Variants in RUNX2 observed in about 807,000 individuals in gnomAD.
RUNX2 encodes the protein runt-related transcription factor 2.
RUNX2 carries 10 observed loss-of-function variants against 51.7 expected under a neutral mutation model. The observed-to-expected ratio is 0.19, with a 90% CI of 0.12 to 0.33. The LOEUF is 0.33. RUNX2 is among the 10% of genes least tolerant of loss of function. The pLI is 1.00. For missense variants in RUNX2, 562 were observed against 691.3 expected (o/e 0.81, Z 2.10); for synonymous variants, 276 against 273.6 (o/e 1.01, Z -0.09).
At chr6:45,450,259 C>T (rs1799124135) in intron 5 of RUNX2, among the ~76,000 whole-genome samples, 1 of 152,178 alleles carries the variant, frequency 6.6e-6, no homozygotes, top group South Asian at 2.1e-4. Flanking sequence ...CTAGATGGAT[C>T]TGAGAAAGAT....
chr6:45,517,637 A>T lies in RUNX2; in HGVS notation c.1021+5230A>T, dbSNP rs569008154. On this transcript the variant is annotated intron_variant, in intron 7 of 8. Coordinates refer to ENST00000647337, the MANE Select transcript of RUNX2 (RefSeq NM_001024630.4). ...CTTATTTCAAAATATGTAAATATTA[A>T]CACTTTTCACTTACTCAACTGCACA... 7.2e-5 allele frequency among the ~76,000 whole-genome samples: 11 copies of T among 152,276 alleles called. No individual in the cohort carries two copies. In the South Asian group the frequency reaches 2.3e-3, roughly 32 times the overall value.
intron 2 of RUNX2, chr6:45,365,415 G>A: frequency 1.5e-6 from 1 of 685,820 alleles, no homozygotes; most frequent in Admixed American, 2.9e-5. Flanking sequence ...TTAAATTTCT[G>A]ATTTGTTTTG....
chr6:45,391,685 G>T (rs563149873), intron 2 of RUNX2, among the ~76,000 whole-genome samples: 4 of 152,122 alleles, frequency 2.6e-5, no homozygotes, highest in Admixed American at 6.5e-5. Context: ...GTGAAGCAAG[G>T]CGCCTTCTTC....
intron 2 of RUNX2, among the ~76,000 whole-genome samples, chr6:45,334,852 T>C (rs1439390565): frequency 2.0e-5 from 3 of 151,226 alleles, no homozygotes; most frequent in Non-Finnish European, 4.5e-5. Context: ...CAAATGTCAA[T>C]CTATAAAACC....
intron 2 of RUNX2, among the ~76,000 whole-genome samples, chr6:45,388,462 A>G (rs1235324845): frequency 6.6e-6 from 1 of 152,154 alleles, no homozygotes; most frequent in Non-Finnish European, 1.5e-5. Flanking sequence ...AGAAATGAAT[A>G]TTTGGGCCCC....
chr6:45,471,651 A>G (rs1054555535), intron 5 of RUNX2, among the ~76,000 whole-genome samples: 2 of 152,000 alleles, frequency 1.3e-5, no homozygotes, highest in Non-Finnish European at 2.9e-5. Context: ...TCACCTTGTT[A>G]GCCAGGATGG....
chr6:45,437,820 G>C (rs951605234), intron 4 of RUNX2, 127 bp from the exon 5 acceptor site: 11 of 754,606 alleles, frequency 1.5e-5, no homozygotes, highest in Non-Finnish European at 2.6e-5. Context: ...AAGGAGTCCT[G>C]CCTCTTGTCT....
intron 2 of RUNX2, among the ~76,000 whole-genome samples, chr6:45,391,864 G>A (rs1797478560): frequency 6.6e-6 from 1 of 152,184 alleles, no homozygotes; most frequent in Non-Finnish European, 1.5e-5. Context: ...AGATTTGGGT[G>A]GGGACACAAA....
chr6:45,457,245 A>G (rs533408435), intron 5 of RUNX2, among the ~76,000 whole-genome samples: 3 of 152,294 alleles, frequency 2.0e-5, no homozygotes, highest in African/African-American at 7.2e-5. Flanking sequence ...AAAAGAAAAC[A>G]TTGCCTTTTT....
At chr6:45,409,816 T>C (rs1439372911) in intron 2 of RUNX2, among the ~76,000 whole-genome samples, 2 of 152,250 alleles carry the variant, frequency 1.3e-5, no homozygotes, top group Non-Finnish European at 2.9e-5. Flanking sequence ...CTTGGCATTA[T>C]GCTAAATGCT....
At chr6:45,505,307 T>A (rs986155897) in intron 6 of RUNX2, among the ~76,000 whole-genome samples, 4 of 151,932 alleles carry the variant, frequency 2.6e-5, no homozygotes, top group African/African-American at 9.7e-5. Flanking sequence ...ACTTACTCAT[T>A]CAGAAGAGAA....
At chr6:45,431,772 G>A (rs2150368109) in intron 3 of RUNX2, 91 bp from the exon 4 acceptor site, 1 of 1,444,380 alleles carries the variant, frequency 6.9e-7, no homozygotes, top group African/African-American at 1.4e-5. Context: ...ACTAAGTCCT[G>A]ATAAGACACA....
intron 3 of RUNX2, 129 bp downstream of exon 3, chr6:45,423,086 A>G: frequency 8.2e-7 from 1 of 1,220,780 alleles, no homozygotes; most frequent in Non-Finnish European, 1.1e-6. Context: ...CTAACCCCAG[A>G]AACCCCCGGC....
intron 5 of RUNX2, among the ~76,000 whole-genome samples, chr6:45,458,761 A>AG (rs1353667546): frequency 6.6e-6 from 1 of 152,178 alleles, no homozygotes; most frequent in East Asian, 1.9e-4. Flanking sequence ...CTGTGGCAGG[A>AG]GGGAAAAAGT....
intron 5 of RUNX2, among the ~76,000 whole-genome samples, chr6:45,483,122 G>A (rs1011737420): frequency 6.6e-6 from 1 of 152,118 alleles, no homozygotes; most frequent in African/African-American, 2.4e-5. Context: ...CTCTACTCAC[G>A]AGCTATCCTG....
At chr6:45,423,478 G>C (rs1011323241) in intron 3 of RUNX2, among the ~76,000 whole-genome samples, 2 of 152,086 alleles carry the variant, frequency 1.3e-5, no homozygotes, top group African/African-American at 4.8e-5. Context: ...TTCCCTCACA[G>C]CCAAACGCCT....
intron 4 of RUNX2, among the ~76,000 whole-genome samples, chr6:45,432,755 C>G (rs571522893): frequency 6.6e-6 from 1 of 152,036 alleles, no homozygotes; most frequent in African/African-American, 2.4e-5. Flanking sequence ...TTAAAAAAGT[C>G]TTTAAGGAGG....
At chr6:45,515,793 A>G (rs1801301209) in intron 7 of RUNX2, among the ~76,000 whole-genome samples, 1 of 152,206 alleles carries the variant, frequency 6.6e-6, no homozygotes, top group Non-Finnish European at 1.5e-5. Context: ...AAGCATTAAG[A>G]GAAAATAACG....
intron 5 of RUNX2, among the ~76,000 whole-genome samples, chr6:45,441,563 A>G (rs898110298): frequency 1.3e-5 from 2 of 152,206 alleles, no homozygotes; most frequent in Non-Finnish European, 2.9e-5. Context: ...CTATTATTAC[A>G]TCAATTTTCT....
Sources: allele counts gnomAD v4.1 joint callset (sites outside exome capture counted in the v4.1 genomes callset), GRCh38; gene constraint gnomAD v4.1.1; transcripts MANE v1.5; gene names NCBI Gene and HGNC (gene_info 2026-07-23, HGNC 2026-07-21).